The following TTC21B variants were observed in gnomAD, a reference collection of about 807,000 sequenced individuals.
TTC21B encodes the protein tetratricopeptide repeat protein 21B.
TTC21B carries 127 observed loss-of-function variants against 175.1 expected under a neutral mutation model. The observed-to-expected ratio is 0.73, with a 90% CI of 0.63 to 0.84. The LOEUF (loss-of-function observed/expected upper bound fraction) is 0.84, where lower values mean the gene tolerates loss of function less well. Among genes scored for constraint, TTC21B ranks in the 40% least tolerant of loss-of-function variants. The probability of loss-of-function intolerance (pLI) is 0.00; values close to 1 mark genes in which losing one functional copy is unlikely to be tolerated. For synonymous variants in TTC21B, 524 were observed against 524.5 expected (o/e 1.00, Z 0.01); for missense variants, 1,561 against 1,558.3 (o/e 1.00, Z -0.03).
chr2:165,930,515 C>T lies in TTC21B; in HGVS notation c.895-151G>A, dbSNP rs1686849409. ...ATAATTAAGGAAAAATAAAACTTTC[C>T]TATTATCTAGACAATGCATCAAGAA... On this transcript the variant is annotated intron_variant, in intron 8 of 28. Coordinates refer to ENST00000243344, the MANE Select transcript of TTC21B (RefSeq NM_024753.5). The T allele has an allele frequency of 9.3e-6, 5 of 540,232 alleles. No homozygotes were observed. The South Asian group carries it at 1.8e-4, about 19-fold the overall frequency. The allele number at this position is 540,232 out of a possible 1,614,324, so 33.5% of individuals were successfully genotyped here.
At chr2:165,929,627 G>T in intron 10 of TTC21B, 23 bp downstream of exon 10, 2 of 1,506,386 alleles carry the variant, frequency 1.3e-6, no homozygotes, top group Non-Finnish European at 1.8e-6. Flanking sequence ...GCATCTACCA[G>T]CTGATAAAAT....
chr2:165,930,450 T>C, intron 8 of TTC21B, 86 bp from the exon 9 acceptor site: 1 of 1,027,632 alleles, frequency 9.7e-7, no homozygotes, highest in Non-Finnish European at 1.4e-6. Context: ...ATATATATAT[T>C]ATTTGTACTT....
Position 165,890,615 on chromosome 2 carries a change from G to A in TTC21B, c.3127C>T (p.Leu1043Phe). The A allele has an allele frequency of 6.2e-7, 1 of 1,613,712 alleles. No individual in the cohort carries two copies. Among genetic ancestry groups the A allele is most frequent in the Admixed American group, 1.7e-5 (1 of 60,006 alleles). ...TTCCGAGCTTTATTAAAATGTCGAA[G>A]GGCATCATTTGGTTCTCCAGTGTAC... The part of the protein sequence containing the change: ...LWYTGEPNDA[L>F]RHFNKARKDR... Residue 1043 changes from leucine to phenylalanine, a missense_variant, in exon 24 of 29, where the codon CTT becomes TTT. Transcript: ENST00000243344.
At chr2:165,881,478 T>C (rs1574062127) in intron 26 of TTC21B, among the ~76,000 whole-genome samples, 1 of 152,268 alleles carries the variant, frequency 6.6e-6, no homozygotes, top group East Asian at 1.9e-4. Flanking sequence ...CCTTCTGGTA[T>C]GTCTGTCTGT....
At chr2:165,946,973 G>A (rs1386799904) in intron 3 of TTC21B, among the ~76,000 whole-genome samples, 1 of 151,376 alleles carries the variant, frequency 6.6e-6, no homozygotes, top group Non-Finnish European at 1.5e-5. Context: ...TTAGGAACAG[G>A]TCCAGTACTG....
At chr2:165,890,281 A>G (rs748689636) in intron 24 of TTC21B, among the ~76,000 whole-genome samples, 198 bp downstream of exon 24, 4 of 152,192 alleles carry the variant, frequency 2.6e-5, no homozygotes, top group Non-Finnish European at 5.9e-5. Context: ...TACATTAGCA[A>G]TAACTATTCT....
At chr2:165,924,106 C>G (rs1217492551) in intron 12 of TTC21B, among the ~76,000 whole-genome samples, 1 of 152,090 alleles carries the variant, frequency 6.6e-6, no homozygotes, top group African/African-American at 2.4e-5. Context: ...CCTTAGAAAA[C>G]TAAGGTTATA....
intron 4 of TTC21B, among the ~76,000 whole-genome samples, chr2:165,945,101 G>C (rs1313800425): frequency 6.6e-6 from 1 of 152,124 alleles, no homozygotes; most frequent in Admixed American, 6.6e-5. Flanking sequence ...TGTGCTCTAT[G>C]CACTACTGGG....
At chr2:165,911,489 A>C in intron 17 of TTC21B, 24 bp from the exon 18 acceptor site, 1 of 1,613,468 alleles carries the variant, frequency 6.2e-7, no homozygotes, top group Non-Finnish European at 8.5e-7. Context: ...ATTCCATTTA[A>C]GGGAACAAGG....
At chr2:165,883,647 C>A in intron 26 of TTC21B, 147 bp downstream of exon 26, 1 of 685,794 alleles carries the variant, frequency 1.5e-6, no homozygotes, top group South Asian at 1.8e-5. Context: ...ATTATTAATG[C>A]TTGTTTCCTG....
Position 165,899,829 on chromosome 2 carries a change from AG to A in TTC21B, c.2808del (p.Cys937AlafsTer20). 1 of 1,614,134 alleles carries A rather than the reference AG, an allele frequency of 6.2e-7. No homozygotes were observed. The highest frequency in any genetic ancestry group is 8.5e-7 in the Non-Finnish European group (1 of 1,179,976). ...AGCAGTAGAGCACACTGCCGCAGGC[AG>A]GAATCAGGGTCATCTTGTGCCAGGT... is the stretch of plus-strand genomic sequence containing the variant. ...RLYLAQDDPD[S>X]CLRQCALLLQ... On this transcript the variant is annotated frameshift_variant, in exon 21 of 29. Coordinates refer to ENST00000243344, the MANE Select transcript of TTC21B (RefSeq NM_024753.5). LOFTEE classifies it high-confidence loss of function.
At chr2:165,935,890 T>G (rs993725403) in intron 6 of TTC21B, among the ~76,000 whole-genome samples, 1 of 152,138 alleles carries the variant, frequency 6.6e-6, no homozygotes, top group African/African-American at 2.4e-5. Flanking sequence ...TCTTCCCAAT[T>G]TGATCTGTAA....
chr2:165,911,902 T>C (rs2105319072), intron 17 of TTC21B, among the ~76,000 whole-genome samples: 1 of 152,262 alleles, frequency 6.6e-6, no homozygotes, highest in Middle Eastern at 3.4e-3. Flanking sequence ...TGAACTCAAT[T>C]GATCCACCCG....
chr2:165,904,726 ACCTGTTG>A (rs1429582350), intron 19 of TTC21B, among the ~76,000 whole-genome samples: 2 of 152,214 alleles, frequency 1.3e-5, no homozygotes, highest in Non-Finnish European at 2.9e-5. Context: ...TACCTCACAG[ACCTGTTG>A]CTTCCAACAT....
At chr2:165,953,183 A>G (rs1687812516) in intron 1 of TTC21B, among the ~76,000 whole-genome samples, 1 of 152,216 alleles carries the variant, frequency 6.6e-6, no homozygotes, top group Non-Finnish European at 1.5e-5. Context: ...GTTGACCGTC[A>G]TTAATATTTG....
intron 22 of TTC21B, among the ~76,000 whole-genome samples, chr2:165,897,026 G>A (rs190053214): frequency 2.6e-5 from 4 of 152,162 alleles, no homozygotes; most frequent in Admixed American, 1.3e-4. Flanking sequence ...TGAACCATGA[G>A]GTGATGCTCA....
At chr2:165,899,632 A>T in intron 21 of TTC21B, 138 bp downstream of exon 21, 1 of 703,258 alleles carries the variant, frequency 1.4e-6, no homozygotes, top group Middle Eastern at 3.3e-4. Context: ...GGTAAAATGT[A>T]GTAATGTTAG....
In TTC21B at chr2:165,914,655, A is replaced by ATGTGTGTG. The variant is rs1466920048; in HGVS notation, c.2138+545_2138+546insCACACACA. On this transcript the variant is annotated intron_variant, in intron 15 of 28. Coordinates refer to ENST00000243344, the MANE Select transcript of TTC21B (RefSeq NM_024753.5). ...CTGTTTGGGGAGAAGAGGAAGAGCA[A>ATGTGTGTG]TCTGTGTGTGTGTGTGTGTGTGTGT... 4.7e-3 allele frequency among the ~76,000 whole-genome samples: 358 copies of ATGTGTGTG among 75,700 alleles called. 10 individuals are homozygous for ATGTGTGTG. The highest frequency in any genetic ancestry group is 5.8e-3 in the South Asian group (14 of 2,422). The allele number at this position is 75,700 out of a possible 152,430, so 49.7% of individuals were successfully genotyped here. A position where few individuals can be genotyped will look rare whatever the true frequency, so the allele number is the denominator to read the frequency against.
chr2:165,906,254 TAAAAAAAAAAAAA>T lies in TTC21B; in HGVS notation c.2568+1411_2568+1423del, dbSNP rs1163343694. Among the ~76,000 whole-genome samples the T allele has an allele frequency of 1.6e-3, 73 of 45,284 alleles. 2 individuals are homozygous for T. The Admixed American group carries it at 0.021, about 13-fold the overall frequency. 29.7% of individuals were successfully genotyped at this position (45,284 alleles called of 152,430 possible). A position where few individuals can be genotyped will look rare whatever the true frequency, so the allele number is the denominator to read the frequency against. On this transcript the variant is annotated intron_variant, in intron 19 of 28. Transcript: ENST00000243344. ...TACCTAACATACTATTTCAAGAGGC[TAAAAAAAAAAAAA>T]AAAAAAAAAAAAAATTAGTAAACCA...
Sources: allele counts gnomAD v4.1 joint callset (sites outside exome capture counted in the v4.1 genomes callset), GRCh38; gene constraint gnomAD v4.1.1; transcripts MANE v1.5; gene names NCBI Gene and HGNC (gene_info 2026-07-23, HGNC 2026-07-21).